RPRD1B: variants seen among roughly 807,000 people sequenced by gnomAD.
RPRD1B encodes the protein regulation of nuclear pre-mRNA domain-containing protein 1B.
Under a neutral mutation model 41.5 loss-of-function variants are expected in RPRD1B, and 11 were observed. That is an observed-to-expected ratio of 0.27 (90% CI 0.17 to 0.44). The LOEUF is 0.44. Ranked by LOEUF, RPRD1B falls within the 20% of genes least tolerant of loss-of-function variation. The pLI is 1.00. For synonymous variants in RPRD1B, 158 were observed against 155.6 expected, an observed-to-expected ratio of 1.02 and a Z score of -0.12; for missense variants, 248 against 389.9, an observed-to-expected ratio of 0.64 and a Z score of 3.06.
intron 6 of RPRD1B, among the ~76,000 whole-genome samples, chr20:38,087,359 T>C (rs2122775082): frequency 6.6e-6 from 1 of 152,362 alleles, no homozygotes; most frequent in East Asian, 1.9e-4. Flanking sequence ...TTCAATGAAC[T>C]TGCCACGTTG....
chr20:38,064,950 C>T (rs1032541846), intron 5 of RPRD1B, among the ~76,000 whole-genome samples: 9 of 150,244 alleles, frequency 6.0e-5, no homozygotes, highest in Non-Finnish European at 1.2e-4. Context: ...CATGCCACTG[C>T]ACTCCAGCCT....
rs74801923 is a variant in RPRD1B, at chr20:38,042,322, C to A, written c.281+1758C>A. On this transcript the variant is annotated intron_variant, in intron 2 of 6. Coordinates refer to ENST00000373433, the MANE Select transcript of RPRD1B (RefSeq NM_021215.4). ...TGAGCTATAATCATACCACTGCACT[C>A]CAGGTTTAGCAACAGAGCATGACCC... 7.6e-3 allele frequency among the ~76,000 whole-genome samples: 1,158 copies of A among 152,222 alleles called. 7 individuals carry two copies. The highest frequency in any genetic ancestry group is 0.027 in the Middle Eastern group (8 of 294).
intron 5 of RPRD1B, among the ~76,000 whole-genome samples, chr20:38,061,793 A>G (rs957726646): frequency 2.6e-5 from 4 of 152,236 alleles, no homozygotes; most frequent in African/African-American, 9.6e-5. Context: ...TATTTGGCCC[A>G]GTAGATTATT....
At chr20:38,040,946 TGCC>T (rs1405513204) in intron 2 of RPRD1B, among the ~76,000 whole-genome samples, 290 of 152,342 alleles carry the variant, frequency 1.9e-3, no homozygotes, top group African/African-American at 6.4e-3. Flanking sequence ...AATTGCCAAA[TGCC>T]TTCCTTTTTA....
intron 3 of RPRD1B, among the ~76,000 whole-genome samples, chr20:38,049,007 T>C (rs1226981050): frequency 6.6e-6 from 1 of 152,192 alleles, no homozygotes; most frequent in Admixed American, 6.5e-5. Context: ...TGGAGTGCAG[T>C]GGCGTGATCT....
chr20:38,073,164 A>G (rs1317488239), intron 6 of RPRD1B, among the ~76,000 whole-genome samples: 3 of 152,228 alleles, frequency 2.0e-5, no homozygotes, highest in Non-Finnish European at 4.4e-5. Context: ...AATCATTTAA[A>G]CAGTTCCCAA....
intron 2 of RPRD1B, among the ~76,000 whole-genome samples, chr20:38,047,052 A>G (rs1158483594): frequency 6.6e-6 from 1 of 152,198 alleles, no homozygotes; most frequent in Non-Finnish European, 1.5e-5. Context: ...GGCCAGATTG[A>G]TAGCAGAGGA....
At position 38,040,456 on chromosome 20, in the gene RPRD1B, CT is replaced by C; in HGVS notation, c.177del (p.Leu60CysfsTer3). 2 of 1,589,700 alleles carry C rather than the reference CT, an allele frequency of 1.3e-6. No homozygotes were observed. Among genetic ancestry groups the C allele is most frequent in the Non-Finnish European group, 1.7e-6 (2 of 1,171,742 alleles). On this transcript the variant is annotated frameshift_variant, in exon 2 of 7. Transcript: ENST00000373433. LOFTEE classifies it high-confidence loss of function. ...TCAGCCAAATCAAATAGAAAGCTTA[CT>C]TTTCTGTATTTAGCGAATGATGTCA... ...LRKAKSNRKL[T>X]FLYLANDVIQ...
chr20:38,083,457 A>G (rs2074532833), intron 6 of RPRD1B, among the ~76,000 whole-genome samples: 1 of 152,212 alleles, frequency 6.6e-6, no homozygotes, highest in Non-Finnish European at 1.5e-5. Flanking sequence ...TTTAGTTAGT[A>G]TAGACACTGA....
chr20:38,073,909 A>G (rs767113416), intron 6 of RPRD1B, among the ~76,000 whole-genome samples: 1 of 152,222 alleles, frequency 6.6e-6, no homozygotes, highest in African/African-American at 2.4e-5. Context: ...GGCCCTGCCT[A>G]GTGCCGGCCC....
At chr20:38,069,340 G>A (rs548098571) in intron 6 of RPRD1B, among the ~76,000 whole-genome samples, 14 of 152,274 alleles carry the variant, frequency 9.2e-5, no homozygotes, top group African/African-American at 1.9e-4. Flanking sequence ...CCACTTGATC[G>A]TACATAATGT....
At chr20:38,086,494 C>A (rs189913118) in intron 6 of RPRD1B, among the ~76,000 whole-genome samples, 27 of 152,244 alleles carry the variant, frequency 1.8e-4, no homozygotes, top group South Asian at 4.1e-4. Flanking sequence ...TTACCAGCCT[C>A]AGTGTTTTGT....
chr20:38,057,515 C>G lies in RPRD1B; in HGVS notation c.416-17C>G. Reference sequence around the variant, plus strand: ...CAGGATATGTGACTCAAATTTATTACTTTCTCTTTTGTCTAGCAACAGAAG... The same window carrying G: ...CAGGATATGTGACTCAAATTTATTAGTTTCTCTTTTGTCTAGCAACAGAAG... On this transcript the variant is annotated splice_polypyrimidine_tract_variant and intron_variant, in intron 3 of 6. Transcript: ENST00000373433. 6.3e-7 allele frequency: 1 copy of G among 1,585,268 alleles called. No individual in the cohort carries two copies. Among genetic ancestry groups the G allele is most frequent in the Non-Finnish European group, 8.7e-7 (1 of 1,153,644 alleles).
intron 3 of RPRD1B, chr20:38,048,721 C>A: frequency 2.2e-6 from 1 of 447,630 alleles, no homozygotes; most frequent in Non-Finnish European, 2.9e-6. Flanking sequence ...CCTTGGCTTG[C>A]TTCTGTCTTT....
chr20:38,035,618 T>C (rs1381721014), intron 1 of RPRD1B, among the ~76,000 whole-genome samples: 1 of 152,194 alleles, frequency 6.6e-6, no homozygotes, highest in Non-Finnish European at 1.5e-5. Flanking sequence ...AGGTAGAGCC[T>C]GGAGTTTATG....
At chr20:38,062,308 C>T (rs1041621786) in intron 5 of RPRD1B, among the ~76,000 whole-genome samples, 3 of 152,174 alleles carry the variant, frequency 2.0e-5, no homozygotes, top group Non-Finnish European at 4.4e-5. Flanking sequence ...GCTGGTTTCA[C>T]TGGCAGCCAT....
intron 3 of RPRD1B, 117 bp downstream of exon 3, chr20:38,048,598 G>C: frequency 6.8e-7 from 1 of 1,472,466 alleles, no homozygotes; most frequent in African/African-American, 1.4e-5. Flanking sequence ...TCTTCAGAGA[G>C]ACAGATGATC....
intron 3 of RPRD1B, among the ~76,000 whole-genome samples, chr20:38,051,621 A>G (rs1424154815): frequency 6.6e-6 from 1 of 152,242 alleles, no homozygotes; most frequent in Non-Finnish European, 1.5e-5. Flanking sequence ...TATTCTTCAC[A>G]CTGTCGTATT....
chr20:38,044,669 A>G (rs989350198), intron 2 of RPRD1B, among the ~76,000 whole-genome samples: 1 of 152,104 alleles, frequency 6.6e-6, no homozygotes, highest in African/African-American at 2.4e-5. Flanking sequence ...CCACCGCGCC[A>G]GGCTCAGGTG....
Sources: gnomAD v4.1 joint callset for allele counts (sites outside exome capture counted in the v4.1 genomes callset) on GRCh38, gnomAD v4.1.1 for gene constraint, MANE v1.5 for transcripts, NCBI Gene and HGNC (gene_info 2026-07-23, HGNC 2026-07-21) for gene names.